Variants in PUM1 observed in about 807,000 individuals in gnomAD.
PUM1 encodes pumilio homolog 1.
A neutral mutation model predicts 131.8 loss-of-function variants in PUM1; 13 were observed. That is an observed-to-expected ratio of 0.10 (90% CI 0.06 to 0.16). The LOEUF is 0.16. Among genes scored for constraint, PUM1 ranks in the 10% least tolerant of loss-of-function variants. The pLI is 1.00. For synonymous variants in PUM1, 509 were observed against 556.5 expected (o/e 0.91, Z 1.20); for missense variants, 961 against 1,512.4 (o/e 0.64, Z 6.05).
chr1:30,999,728 ATC>A (rs995908155), intron 5 of PUM1, among the ~76,000 whole-genome samples: 1 of 151,672 alleles, frequency 6.6e-6, no homozygotes, highest in Non-Finnish European at 1.5e-5. Flanking sequence ...AGGTCATTTA[ATC>A]TCTGAGACTT....
At chr1:31,050,131 C>T (rs370621476) in intron 2 of PUM1, among the ~76,000 whole-genome samples, 1 of 152,036 alleles carries the variant, frequency 6.6e-6, no homozygotes, top group African/African-American at 2.4e-5. Flanking sequence ...TGCAACCAGC[C>T]GAACTTCTTT....
intron 10 of PUM1, among the ~76,000 whole-genome samples, chr1:30,972,866 G>C (rs1034206902): frequency 6.6e-6 from 1 of 151,764 alleles, no homozygotes; most frequent in Non-Finnish European, 1.5e-5. Context: ...GATCACCTGA[G>C]GTCAGGAGTT....
At position 30,954,149 on chromosome 1, in the gene PUM1, C is replaced by T. The variant is rs562815297; in HGVS notation, c.2324-168G>A. 2.0e-5 allele frequency among the ~76,000 whole-genome samples: 3 copies of T among 152,264 alleles called. No individual in the cohort carries two copies. In the South Asian group the frequency reaches 6.2e-4, roughly 32 times the overall value. Reference sequence around the variant, plus strand: ...GCGTCATGACTTTCGTGGGTCAACTCAACAACCTGGAAGGAAACTTTTGCA... The same window carrying T: ...GCGTCATGACTTTCGTGGGTCAACTTAACAACCTGGAAGGAAACTTTTGCA... On this transcript the variant is annotated intron_variant, in intron 14 of 21. Coordinates refer to ENST00000426105, the MANE Select transcript of PUM1 (RefSeq NM_001020658.2).
At chr1:31,028,062 A>G (rs1557593262) in intron 3 of PUM1, among the ~76,000 whole-genome samples, 1 of 152,200 alleles carries the variant, frequency 6.6e-6, no homozygotes, top group Non-Finnish European at 1.5e-5. Context: ...CTTTGTCATC[A>G]ATACATGCTT....
At chr1:30,938,606 T>C (rs1639310041) in intron 20 of PUM1, among the ~76,000 whole-genome samples, 1 of 152,080 alleles carries the variant, frequency 6.6e-6, no homozygotes, top group Non-Finnish European at 1.5e-5. Context: ...GGCTGACACC[T>C]GTAATCCCAG....
At chr1:30,993,489 A>G (rs1641873402) in intron 6 of PUM1, among the ~76,000 whole-genome samples, 1 of 152,178 alleles carries the variant, frequency 6.6e-6, no homozygotes, top group Admixed American at 6.5e-5. Context: ...TTATATAAAC[A>G]GAAGAGTGTA....
chr1:30,941,578 CAG>C lies in PUM1; in HGVS notation c.3121-308_3121-307del, dbSNP rs375947720. Among the ~76,000 whole-genome samples the C allele has an allele frequency of 2.4e-3, 364 of 152,188 alleles. 1 individual carries two copies. The highest frequency in any genetic ancestry group is 8.3e-3 in the African/African-American group (344 of 41,520). ...AATGGTTCACTGCACCTATCTATAACAGAGAAAAACTGGAAATATTTATGTCC... is the reference window on the plus strand; with the variant it reads ...AATGGTTCACTGCACCTATCTATAACAGAAAAACTGGAAATATTTATGTCC... On this transcript the variant is annotated intron_variant, in intron 19 of 21. Coordinates refer to ENST00000426105, the MANE Select transcript of PUM1 (RefSeq NM_001020658.2).
intron 14 of PUM1, among the ~76,000 whole-genome samples, chr1:30,954,316 A>C (rs1226527692): frequency 6.6e-6 from 1 of 152,178 alleles, no homozygotes; most frequent in Non-Finnish European, 1.5e-5. Flanking sequence ...ACCAGCAATA[A>C]AAACTCAGAA....
At chr1:30,952,571 T>G (rs1214406927) in intron 15 of PUM1, among the ~76,000 whole-genome samples, 1 of 151,602 alleles carries the variant, frequency 6.6e-6, no homozygotes, top group Non-Finnish European at 1.5e-5. Context: ...GGTCCTAACT[T>G]AATTGAGCTT....
intron 7 of PUM1, among the ~76,000 whole-genome samples, chr1:30,991,070 TA>T (rs34450345): frequency 0.016 from 2,432 of 149,594 alleles, 72 homozygotes; most frequent in African/African-American, 0.055. Flanking sequence ...AAGAACAGTT[TA>T]AAAAAAAAAG....
chr1:30,965,988 T>C lies in PUM1; in HGVS notation c.2080A>G (p.Thr694Ala). ...TLGSALGGFGTAVANSNTGSG... is the reference protein window; with the variant it reads ...TLGSALGGFGAAVANSNTGSG... Reference sequence around the variant, plus strand: ...ATATCAGTCTAATTTCTACCTGCTGTTCCAAACCCTCCAAGGGCGGATCCC... The same window carrying C: ...ATATCAGTCTAATTTCTACCTGCTGCTCCAAACCCTCCAAGGGCGGATCCC... Residue 694 changes from threonine to alanine, a missense_variant, in exon 13 of 22, where the codon ACA (threonine) becomes GCA (alanine). This residue lies in a region of PUM1 where 654 missense variants were observed against 923.9 expected (regional missense o/e 0.71). Transcript: ENST00000426105. The C allele has an allele frequency of 6.2e-7, 1 of 1,612,724 alleles. No homozygotes were observed. Among genetic ancestry groups the C allele is most frequent in the South Asian group, 1.1e-5 (1 of 90,940 alleles).
chr1:30,936,571 C>T lies in PUM1; in HGVS notation c.3435+72G>A, dbSNP rs1639218838. ...TCTTCAAAAACAGCAGGGCACCCACCCTCCTTTGTGTTTCAGAAAGGAAGC... is the reference window on the plus strand; with the variant it reads ...TCTTCAAAAACAGCAGGGCACCCACTCTCCTTTGTGTTTCAGAAAGGAAGC... On this transcript the variant is annotated intron_variant, in intron 21 of 21. Transcript: ENST00000426105. 3 of 1,408,450 alleles carry T rather than the reference C, an allele frequency of 2.1e-6. No homozygotes were observed. In the South Asian group the frequency reaches 4.1e-5, roughly 19 times the overall value. 87.2% of individuals were successfully genotyped at this position (1,408,450 alleles called of 1,614,324 possible). A position where few individuals can be genotyped will look rare whatever the true frequency, so the allele number is the denominator to read the frequency against.
At chr1:30,960,228 TA>T (rs1640349075) in intron 14 of PUM1, among the ~76,000 whole-genome samples, 1 of 152,266 alleles carries the variant, frequency 6.6e-6, no homozygotes, top group South Asian at 2.1e-4. Flanking sequence ...ACGTGAATTA[TA>T]TCTACCAGCT....
intron 3 of PUM1, among the ~76,000 whole-genome samples, chr1:31,024,151 G>A (rs1643139312): frequency 6.6e-6 from 1 of 152,038 alleles, no homozygotes; most frequent in Non-Finnish European, 1.5e-5. Flanking sequence ...TTTGTCTTAC[G>A]GGTAGAAAAA....
intron 3 of PUM1, among the ~76,000 whole-genome samples, chr1:31,017,043 C>T (rs150609770): frequency 3.5e-4 from 53 of 152,272 alleles, no homozygotes; most frequent in Non-Finnish European, 6.0e-4. Context: ...TCTCCCACAA[C>T]TGGGAAATCA....
At chr1:30,945,528 C>T (rs1639631836) in intron 17 of PUM1, 45 bp from the exon 18 acceptor site, 2 of 1,605,356 alleles carry the variant, frequency 1.2e-6, no homozygotes, top group Admixed American at 3.3e-5. Flanking sequence ...AGCAAGCAAA[C>T]ATGTGGACAA....
At chr1:31,054,238 T>A (rs2124595017) in intron 2 of PUM1, among the ~76,000 whole-genome samples, 1 of 151,442 alleles carries the variant, frequency 6.6e-6, no homozygotes, top group East Asian at 2.0e-4. Context: ...GGCAGAAGAA[T>A]CGCTTGAGCC....
intron 2 of PUM1, among the ~76,000 whole-genome samples, chr1:31,033,907 T>C (rs1643521975): frequency 6.6e-6 from 1 of 152,180 alleles, no homozygotes; most frequent in Non-Finnish European, 1.5e-5. Flanking sequence ...TCTAAAGTGC[T>C]GGGATTACAG....
intron 21 of PUM1, chr1:30,935,652 T>C (rs775456812): frequency 2.3e-6 from 1 of 435,552 alleles, no homozygotes; most frequent in Non-Finnish European, 4.6e-6. Context: ...GTGGTTTGGA[T>C]TGGTTTAGCT....
Sources: allele counts gnomAD v4.1 joint callset (sites outside exome capture counted in the v4.1 genomes callset), GRCh38; gene constraint gnomAD v4.1.1; regional missense constraint gnomAD v4.1.1; transcripts MANE v1.5; gene names NCBI Gene and HGNC (gene_info 2026-07-23, HGNC 2026-07-21).